SLC2A7: variants seen among roughly 807,000 people sequenced by gnomAD.
SLC2A7 encodes solute carrier family 2, facilitated glucose transporter member 7.
In SLC2A7, 50 loss-of-function variants were observed where a neutral mutation model predicts 50.5. The observed-to-expected ratio is 0.99, with a 90% CI of 0.79 to 1.25. The LOEUF is 1.25. Among genes scored for constraint, SLC2A7 ranks in the 50% most tolerant of loss-of-function variants. The probability of loss-of-function intolerance (pLI) is 0.00; values close to 1 mark genes in which losing one functional copy is unlikely to be tolerated. For synonymous variants in SLC2A7, 308 were observed against 300.4 expected, an observed-to-expected ratio of 1.03 and a Z score of -0.26; for missense variants, 683 against 679.1, an observed-to-expected ratio of 1.01 and a Z score of -0.06.
rs766412020 is a variant in SLC2A7 at position 9,019,383 on chromosome 1, G to T, written c.312-50C>A. On this transcript the variant is annotated intron_variant, in intron 3 of 11. Transcript: ENST00000400906. ...GCAGGGGTGCGTGGAGGCCGCGGAA[G>T]CCCTCCCAACACCAGCTCCTATTCT... 4 of 1,604,940 alleles carry T rather than the reference G, an allele frequency of 2.5e-6. No homozygotes were observed. In the Admixed American group the frequency reaches 5.1e-5, roughly 20 times the overall value.
downstream of SLC2A7, among the ~76,000 whole-genome samples, chr1:9,000,384 C>A (rs969908508): frequency 6.6e-6 from 1 of 151,566 alleles, no homozygotes; most frequent in Non-Finnish European, 1.5e-5. Context: ...TTTGGGAGGC[C>A]GAGACAGATG....
At chr1:9,001,097 CAA>C (rs1256117168), downstream of SLC2A7, among the ~76,000 whole-genome samples, 1 of 152,078 alleles carries the variant, frequency 6.6e-6, no homozygotes, top group East Asian at 1.9e-4. Flanking sequence ...AATTAATATG[CAA>C]AGTGACAAGC....
intron 11 of SLC2A7, among the ~76,000 whole-genome samples, chr1:9,004,501 G>T (rs539056604): frequency 5.2e-4 from 79 of 152,230 alleles, no homozygotes; most frequent in African/African-American, 1.8e-3. Context: ...TGGCGCCTTT[G>T]AGCTCCGCGG....
In SLC2A7 at chr1:9,004,782, G is replaced by A. The variant is rs764734378; in HGVS notation, c.1290C>T (p.Phe430=). 2.5e-6 allele frequency: 4 copies of A among 1,614,126 alleles called. No individual in the cohort carries two copies. The highest frequency in any genetic ancestry group is 3.4e-6 in the Non-Finnish European group (4 of 1,179,980). The change falls in exon 11 of 12, where the codon TTC becomes TTT. Residue 430 remains phenylalanine (F), a synonymous_variant. Transcript: ENST00000400906. ...TGGATGGGAACAGGAAGCCTATGAT[G>A]AAGTTGGTGAGCCAGTGCACTGCCC... ...VDGAVHWLTN[F]IIGFLFPSIQ... is the part of the protein sequence containing the mutation.
intron 3 of SLC2A7, among the ~76,000 whole-genome samples, chr1:9,021,398 G>C (rs1486782223): frequency 6.6e-6 from 1 of 152,162 alleles, no homozygotes; most frequent in Admixed American, 6.5e-5. Flanking sequence ...TGATGAAGCT[G>C]TCAGCAGCCC....
intron 9 of SLC2A7, 141 bp downstream of exon 9, chr1:9,010,000 ATT>A: frequency 1.5e-6 from 1 of 679,196 alleles, no homozygotes; most frequent in Non-Finnish European, 2.6e-6. Flanking sequence ...AGGATGGGGC[ATT>A]GCAAAGTACT....
chr1:9,025,076 T>C lies in SLC2A7; in HGVS notation c.52-2A>G, dbSNP rs2124270554. On this transcript the variant is annotated splice_acceptor_variant, in intron 1 of 11. Transcript: ENST00000400906. LOFTEE classifies it high-confidence loss of function. ...CAGCAACAGCGTCGGCTGGAGCCGC[T>C]GTAGGAGACAAGTCCAAGGTCGGGA... is the stretch of plus-strand genomic sequence containing the variant. 6.2e-7 allele frequency: 1 copy of C among 1,613,580 alleles called. No homozygotes were observed. Among genetic ancestry groups the C allele is most frequent in the Non-Finnish European group, 8.5e-7 (1 of 1,179,924 alleles).
At chr1:8,999,035 T>C (rs190316908), downstream of SLC2A7, among the ~76,000 whole-genome samples, 5 of 152,366 alleles carry the variant, frequency 3.3e-5, no homozygotes, top group Admixed American at 6.5e-5. Flanking sequence ...CTTTAAATGT[T>C]TGGTAGAATT....
At chr1:9,014,982 G>A in intron 6 of SLC2A7, 114 bp from the exon 7 acceptor site, 2 of 1,505,248 alleles carry the variant, frequency 1.3e-6, no homozygotes, top group Non-Finnish European at 1.8e-6. Flanking sequence ...TTGTGCCCCA[G>A]TTGCCACCCC....
At chr1:8,997,606 A>G in the SLC2A7 span, among the ~76,000 whole-genome samples, 1 of 151,824 alleles carries the variant, frequency 6.6e-6, no homozygotes, top group South Asian at 2.1e-4. Context: ...CACCATGTTG[A>G]CCAGGCTAGT....
Position 9,023,001 on chromosome 1 carries a change from TA to T in SLC2A7, c.227del (p.Leu76HisfsTer34), listed in dbSNP as rs755314864. Reference sequence around the variant, plus strand: ...GAAACATGGAGACGGTGCAAGACCATAGAAGCAGCATGAGCTTCCCGTCCAT... The same window carrying T: ...GAAACATGGAGACGGTGCAAGACCATGAAGCAGCATGAGCTTCCCGTCCAT... ...TFMDGKLMLLLWSCTVSMFPL... is the reference protein window; with the variant it reads ...TFMDGKLMLLXWSCTVSMFPL... On this transcript the variant is annotated frameshift_variant, in exon 3 of 12. Transcript: ENST00000400906. LOFTEE classifies it high-confidence loss of function. 6 of 1,614,016 alleles carry T rather than the reference TA, an allele frequency of 3.7e-6. No individual in the cohort carries two copies. In the Admixed American group the frequency reaches 1.0e-4, roughly 27 times the overall value.
intron 10 of SLC2A7, among the ~76,000 whole-genome samples, chr1:9,005,569 G>A (rs1043389977): frequency 6.6e-6 from 1 of 151,952 alleles, no homozygotes; most frequent in Non-Finnish European, 1.5e-5. Context: ...CATTGAAAAG[G>A]TCCGGTCTCA....
intron 6 of SLC2A7, 99 bp downstream of exon 6, chr1:9,015,018 C>A: frequency 6.4e-7 from 1 of 1,550,400 alleles, no homozygotes. Flanking sequence ...TCCCAGCTCT[C>A]ACCCCTGACC....
intron 5 of SLC2A7, 50 bp downstream of exon 5, chr1:9,018,173 C>G: frequency 6.2e-7 from 1 of 1,609,490 alleles, no homozygotes; most frequent in Non-Finnish European, 8.5e-7. Context: ...ACACCTGGCA[C>G]AGCCGAACGA....
intron 5 of SLC2A7, among the ~76,000 whole-genome samples, chr1:9,017,280 A>G (rs1448640498): frequency 1.3e-5 from 2 of 152,324 alleles, no homozygotes; most frequent in East Asian, 3.9e-4. Flanking sequence ...AGATCGCGCC[A>G]TTGCACTCCA....
the SLC2A7 span, among the ~76,000 whole-genome samples, chr1:8,997,602 G>A: frequency 3.3e-5 from 5 of 152,066 alleles, no homozygotes; most frequent in African/African-American, 1.2e-4. Context: ...GTTTCACCAT[G>A]TTGACCAGGC....
chr1:8,997,690 G>A, the SLC2A7 span, among the ~76,000 whole-genome samples: 9 of 152,128 alleles, frequency 5.9e-5, no homozygotes, highest in Non-Finnish European at 1.2e-4. Flanking sequence ...GAGCCACGGC[G>A]CCCGGCCAGC....
Position 9,025,059 on chromosome 1 carries a change from G to A in SLC2A7, c.67C>T (p.Leu23=). 6.2e-7 allele frequency: 1 copy of A among 1,612,976 alleles called. No homozygotes were observed. Among genetic ancestry groups the A allele is most frequent in the Non-Finnish European group, 8.5e-7 (1 of 1,179,844 alleles). ...PSREGRLQPT[L]LLATLSAAFG... ...GCCGCGCTCAGTGTCGCCAGCAACA[G>A]CGTCGGCTGGAGCCGCTGTAGGAGA... The change falls in exon 2 of 12, where the codon CTG becomes TTG. Residue 23 remains leucine (L), a synonymous_variant. Transcript: ENST00000400906.
Position 9,026,190 on chromosome 1 carries a change from C to T in SLC2A7, c.51+105G>A, listed in dbSNP as rs1235527484. The T allele has an allele frequency of 2.4e-6, 3 of 1,263,716 alleles. No individual in the cohort carries two copies. The African/African-American group carries it at 4.4e-5, about 19-fold the overall frequency. The allele number at this position is 1,263,716 out of a possible 1,614,324, so 78.3% of individuals were successfully genotyped here. ...TTATCCTGAAGAAAAAGGAAGCACG[C>T]TACCCGCTCCTTGCTAAAAGCATTC... On this transcript the variant is annotated intron_variant, in intron 1 of 11. Transcript: ENST00000400906.
Sources: allele counts gnomAD v4.1 joint callset (sites outside exome capture counted in the v4.1 genomes callset), GRCh38; gene constraint gnomAD v4.1.1; transcripts MANE v1.5; gene names NCBI Gene and HGNC (gene_info 2026-07-23, HGNC 2026-07-21).